Variants in SHISA9 observed in about 807,000 individuals in gnomAD.
SHISA9 encodes the protein shisa family member 9.
SHISA9 carries 13 observed loss-of-function variants against 38.0 expected under a neutral mutation model. The ratio of observed to expected loss-of-function variants is 0.34; its 90% CI spans 0.22 to 0.54. The LOEUF (loss-of-function observed/expected upper bound fraction) is 0.54, where lower values mean the gene tolerates loss of function less well. SHISA9 is among the 20% of genes least tolerant of loss of function. The pLI is 0.91. For synonymous variants in SHISA9, 275 were observed against 242.0 expected, an observed-to-expected ratio of 1.14 and a Z score of -1.27; for missense variants, 538 against 575.8, an observed-to-expected ratio of 0.93 and a Z score of 0.67.
At chr16:13,505,429 G>A in the SHISA9 span, among the ~76,000 whole-genome samples, 2 of 152,200 alleles carry the variant, frequency 1.3e-5, no homozygotes, top group Non-Finnish European at 2.9e-5. Flanking sequence ...AGTGGCTGAT[G>A]TGGGCTAATC....
intron 2 of SHISA9, among the ~76,000 whole-genome samples, chr16:13,028,623 G>T (rs2072954378): frequency 6.6e-6 from 1 of 152,154 alleles, no homozygotes; most frequent in Non-Finnish European, 1.5e-5. Flanking sequence ...CACAACATTT[G>T]GGAATTATGG....
chr16:13,092,090 A>C lies in SHISA9; in HGVS notation c.692-111304A>C, dbSNP rs541469630. Among the ~76,000 whole-genome samples, 4 of 152,316 alleles carry C rather than the reference A, an allele frequency of 2.6e-5. No homozygotes were observed. The South Asian group carries it at 6.2e-4, about 24-fold the overall frequency. ...CTGCAGGTCTGTTGGAGTTTGCTGG[A>C]ATTCCACTCCAGACCCTGTTTGCCT... On this transcript the variant is annotated intron_variant, in intron 2 of 4. Coordinates refer to ENST00000558583, the MANE Select transcript of SHISA9 (RefSeq NM_001145204.3).
the SHISA9 span, among the ~76,000 whole-genome samples, chr16:13,438,466 A>G: frequency 6.6e-6 from 1 of 152,184 alleles, no homozygotes; most frequent in South Asian, 2.1e-4. Context: ...AGCTATTTGA[A>G]CAAATCTTAA....
chr16:13,215,120 T>C (rs1366203325), intron 4 of SHISA9, among the ~76,000 whole-genome samples: 1 of 152,040 alleles, frequency 6.6e-6, no homozygotes, highest in African/African-American at 2.4e-5. Flanking sequence ...GGAAGGATCA[T>C]TGAGAGACTA....
intron 2 of SHISA9, among the ~76,000 whole-genome samples, chr16:12,942,036 G>A (rs546847031): frequency 2.0e-5 from 3 of 152,052 alleles, no homozygotes; most frequent in African/African-American, 7.2e-5. Flanking sequence ...TTAATTTGTT[G>A]CTTGGGCTGG....
At chr16:13,017,010 G>A (rs917470741) in intron 2 of SHISA9, among the ~76,000 whole-genome samples, 1 of 150,530 alleles carries the variant, frequency 6.6e-6, no homozygotes, top group Non-Finnish European at 1.5e-5. Flanking sequence ...CTTCTTTTTT[G>A]TTTCTTTTTT....
intron 2 of SHISA9, among the ~76,000 whole-genome samples, chr16:13,056,998 G>A (rs558349256): frequency 1.4e-4 from 21 of 152,342 alleles, no homozygotes; most frequent in African/African-American, 4.6e-4. Flanking sequence ...TGTGAGGCTA[G>A]CAAAGGGGAG....
the SHISA9 span, among the ~76,000 whole-genome samples, chr16:13,487,975 AC>A: frequency 1.3e-5 from 2 of 152,198 alleles, no homozygotes; most frequent in African/African-American, 4.8e-5. Flanking sequence ...AAGGGATCTC[AC>A]TCAATGAGAC....
chr16:13,399,622 C>T, the SHISA9 span, among the ~76,000 whole-genome samples: 1 of 152,182 alleles, frequency 6.6e-6, no homozygotes, highest in African/African-American at 2.4e-5. Context: ...GGGTCCGTGG[C>T]TTTCTTGCAT....
the SHISA9 span, among the ~76,000 whole-genome samples, chr16:13,350,989 C>T: frequency 1.3e-4 from 20 of 152,130 alleles, no homozygotes; most frequent in South Asian, 4.1e-4. Context: ...CAGGTTTTCC[C>T]GAACAGTAAA....
chr16:13,391,296 C>G, the SHISA9 span, among the ~76,000 whole-genome samples: 1 of 152,190 alleles, frequency 6.6e-6, no homozygotes, highest in African/African-American at 2.4e-5. Flanking sequence ...GTATAATTCA[C>G]TGTGCTGCTG....
At chr16:13,347,603 T>A in the SHISA9 span, among the ~76,000 whole-genome samples, 4 of 152,248 alleles carry the variant, frequency 2.6e-5, no homozygotes, top group Non-Finnish European at 4.4e-5. Flanking sequence ...AATACTAAAG[T>A]GAACTTGGCT....
chr16:13,411,851 T>C, the SHISA9 span, among the ~76,000 whole-genome samples: 406 of 152,312 alleles, frequency 2.7e-3, 3 homozygotes, highest in African/African-American at 9.4e-3. Flanking sequence ...CAGGGGTTAT[T>C]TGCTACCAGA....
the SHISA9 span, among the ~76,000 whole-genome samples, chr16:13,531,919 T>G: frequency 2.6e-5 from 4 of 152,224 alleles, no homozygotes; most frequent in Non-Finnish European, 5.9e-5. Flanking sequence ...TTCTCCCATT[T>G]ACCAGCTGCC....
rs117934455 is a variant in SHISA9, at chr16:13,228,887, G to A, written c.896-6143G>A. 1.1e-3 allele frequency among the ~76,000 whole-genome samples: 173 copies of A among 152,222 alleles called. 2 individuals are homozygous for A. In the East Asian group the frequency reaches 0.03, roughly 26 times the overall value. ...CATCAAATATTTACTGAGGCCAGGT[G>A]TGGTGGCTCACACCTGTAATCCTAG... is the stretch of plus-strand genomic sequence containing the variant. On this transcript the variant is annotated intron_variant, in intron 4 of 4. Transcript: ENST00000558583.
At chr16:12,988,501 C>G (rs1293842902) in intron 2 of SHISA9, among the ~76,000 whole-genome samples, 1 of 152,014 alleles carries the variant, frequency 6.6e-6, no homozygotes, top group African/African-American at 2.4e-5. Flanking sequence ...TATTTGTTTT[C>G]TTATATTTTA....
intron 1 of SHISA9, among the ~76,000 whole-genome samples, chr16:12,913,941 G>T (rs1345277237): frequency 6.6e-6 from 1 of 151,884 alleles, no homozygotes; most frequent in East Asian, 1.9e-4. Context: ...TCCGCTTGTT[G>T]GCTATTGTGA....
Position 13,238,827 on chromosome 16 carries a change from A to ATTATTT in SHISA9, c.*3423_*3424insTTTATT, listed in dbSNP as rs914875447. 6.9e-6 allele frequency: 1 copy of ATTATTT among 144,010 alleles called. No homozygotes were observed. Among genetic ancestry groups the ATTATTT allele is most frequent in the East Asian group, 2.0e-4 (1 of 4,970 alleles). 8.9% of individuals were successfully genotyped at this position (144,010 alleles called of 1,614,324 possible). On this transcript the variant is annotated 3_prime_UTR_variant, in exon 5 of 5. Transcript: ENST00000558583. The stretch of plus-strand genomic sequence containing the variant: ...TATCCATGGAGTATTTATTATTATT[A>ATTATTT]TTATTATTATTATTATTATTATTAT...
intron 2 of SHISA9, among the ~76,000 whole-genome samples, chr16:13,119,084 TC>T: frequency 6.6e-6 from 1 of 152,172 alleles, no homozygotes; most frequent in South Asian, 2.1e-4. Context: ...GCTAGGCTGA[TC>T]TTGAACTTCT....
Sources: allele counts gnomAD v4.1 joint callset (sites outside exome capture counted in the v4.1 genomes callset), GRCh38; gene constraint gnomAD v4.1.1; transcripts MANE v1.5; gene names NCBI Gene and HGNC (gene_info 2026-07-23, HGNC 2026-07-21).